The following RYR3 variants were observed in gnomAD, a reference collection of about 807,000 sequenced individuals.
The protein encoded by RYR3 is brain ryanodine receptor-calcium release channel.
In RYR3, 207 loss-of-function variants were observed where a neutral mutation model predicts 584.3. The ratio of observed to expected loss-of-function variants is 0.35; its 90% confidence interval spans 0.32 to 0.40. The LOEUF is 0.40. Among genes scored for constraint, RYR3 ranks in the 10% least tolerant of loss-of-function variants. The probability of loss-of-function intolerance (pLI) is 1.00; values close to 1 mark genes in which losing one functional copy is unlikely to be tolerated. For synonymous variants in RYR3, 2,416 were observed against 2,248.5 expected, an observed-to-expected ratio of 1.07 and a Z score of -2.11; for missense variants, 5,616 against 6,089.2, an observed-to-expected ratio of 0.92 and a Z score of 2.59.
chr15:33,375,048 T>C (rs1315249005), intron 1 of RYR3, among the ~76,000 whole-genome samples: 1 of 152,222 alleles, frequency 6.6e-6, no homozygotes, highest in African/African-American at 2.4e-5. Flanking sequence ...AAATAGTGTC[T>C]AGTGGAGAGT....
chr15:33,513,653 G>C (rs1447018557), intron 3 of RYR3, among the ~76,000 whole-genome samples: 3 of 152,144 alleles, frequency 2.0e-5, no homozygotes. Context: ...GGTGGGAGAT[G>C]GGGAAAGTGC....
chr15:33,739,408 A>G (rs1211349350), intron 50 of RYR3, among the ~76,000 whole-genome samples: 3 of 152,156 alleles, frequency 2.0e-5, no homozygotes, highest in Non-Finnish European at 4.4e-5. Flanking sequence ...ATGTCAACAT[A>G]TGACCCATAT....
intron 60 of RYR3, among the ~76,000 whole-genome samples, chr15:33,766,990 A>G (rs919286977): frequency 6.6e-6 from 1 of 152,258 alleles, no homozygotes; most frequent in African/African-American, 2.4e-5. Context: ...GGCATGCCTA[A>G]GAAAGCACTT....
At chr15:33,539,218 G>T (rs1394414505) in intron 5 of RYR3, 132 bp from the exon 6 acceptor site, 2 of 610,778 alleles carry the variant, frequency 3.3e-6, no homozygotes, top group East Asian at 2.8e-5. Context: ...GAGACCAACA[G>T]AAGTTGAGGT....
At chr15:33,346,078 A>T (rs1308857805) in intron 1 of RYR3, among the ~76,000 whole-genome samples, 1 of 152,202 alleles carries the variant, frequency 6.6e-6, no homozygotes, top group Non-Finnish European at 1.5e-5. Context: ...ATCATTATAT[A>T]TATTTTTTCC....
chr15:33,631,275 A>G lies in RYR3; in HGVS notation c.2849A>G (p.Lys950Arg), dbSNP rs1182168588. 2 of 1,585,864 alleles carry G rather than the reference A, an allele frequency of 1.3e-6. No homozygotes were observed. Among genetic ancestry groups the G allele is most frequent in the African/African-American group, 1.3e-5 (1 of 74,422 alleles). The stretch of plus-strand genomic sequence containing the variant: ...CCAGCTGCTGAGGAGGATCTCAAGA[A>G]GGTCAAACTGCCCAAAAAGTAGGTG... Reference protein sequence around the residue: ...VNPAAEEDLKKVKLPKNYMMS... With the variant: ...VNPAAEEDLKRVKLPKNYMMS... The change falls in exon 23 of 104, where the codon AAG becomes AGG. Residue 950 changes from lysine to arginine, a missense_variant. Physicochemically the swap from Lys to Arg is conservative, Grantham distance 26. Transcript: ENST00000634891.
chr15:33,803,066 A>G (rs2075998752), intron 69 of RYR3, among the ~76,000 whole-genome samples: 1 of 152,248 alleles, frequency 6.6e-6, no homozygotes, highest in African/African-American at 2.4e-5. Context: ...CACCAAGCAT[A>G]GCTAGCTCTA....
chr15:33,430,379 G>A (rs151087032), intron 1 of RYR3, among the ~76,000 whole-genome samples: 56 of 152,288 alleles, frequency 3.7e-4, no homozygotes, highest in African/African-American at 1.3e-3. Flanking sequence ...AAAAGGGAGG[G>A]CATCTCAAAG....
intron 1 of RYR3, among the ~76,000 whole-genome samples, chr15:33,314,672 T>C (rs1433679991): frequency 6.6e-6 from 1 of 152,130 alleles, no homozygotes; most frequent in African/African-American, 2.4e-5. Context: ...CCCAGCACTT[T>C]GGGAGGCCGA....
At chr15:33,805,658 T>C (rs1271509595) in intron 69 of RYR3, among the ~76,000 whole-genome samples, 2 of 151,730 alleles carry the variant, frequency 1.3e-5, no homozygotes, top group East Asian at 2.0e-4. Context: ...TTTGTATTTT[T>C]AGTAGAGACA....
Position 33,817,096 on chromosome 15 carries a change from CA to C in RYR3, c.10599+139del, listed in dbSNP as rs113413279. ...GAAAAGCACTAACTGTGTAAGTGCT[CA>C]GGGGAGGCCCTGCTAATGGTCATAG... On this transcript the variant is annotated intron_variant, in intron 75 of 103. Transcript: ENST00000634891. 5,104 of 551,592 alleles carry C rather than the reference CA, an allele frequency of 9.3e-3. 230 individuals carry two copies. The highest frequency in any genetic ancestry group is 0.087 in the African/African-American group (4,575 of 52,758). 34.2% of individuals were successfully genotyped at this position (551,592 alleles called of 1,614,324 possible). A position where few individuals can be genotyped will look rare whatever the true frequency, so the allele number is the denominator to read the frequency against.
intron 16 of RYR3, among the ~76,000 whole-genome samples, chr15:33,599,898 T>A (rs1454769959): frequency 6.6e-6 from 1 of 152,242 alleles, no homozygotes; most frequent in Non-Finnish European, 1.5e-5. Flanking sequence ...AGAGCCTTTT[T>A]CTCTTTGCTG....
rs1245923407 is a variant in RYR3 at position 33,821,298 on chromosome 15, T to G, written c.10844T>G (p.Leu3615Arg). Residue 3615 changes from leucine (L) to arginine (R), a missense_variant, in exon 79 of 104, where the codon CTC becomes CGC. Physicochemically the swap from Leu to Arg is moderately radical, Grantham distance 102. Coordinates refer to ENST00000634891, the MANE Select transcript of RYR3 (RefSeq NM_001036.6). Reference sequence around the variant, plus strand: ...AAAGAGATGGAGAAGCAAAAAACCCTCTATCAGCAAGCTCGGCTGCATGAG... The same window carrying G: ...AAAGAGATGGAGAAGCAAAAAACCCGCTATCAGCAAGCTCGGCTGCATGAG... ...EEKEMEKQKT[L>R]YQQARLHERG... is the part of the protein sequence containing the mutation. 1 of 1,601,044 alleles carries G rather than the reference T, an allele frequency of 6.2e-7. No homozygotes were observed. Among genetic ancestry groups the G allele is most frequent in the Non-Finnish European group, 8.5e-7 (1 of 1,174,004 alleles).
chr15:33,790,572 G>C (rs2075094355), intron 67 of RYR3, among the ~76,000 whole-genome samples: 1 of 152,154 alleles, frequency 6.6e-6, no homozygotes, highest in Non-Finnish European at 1.5e-5. Context: ...TTGTTGAGGG[G>C]AAGATCAGGA....
intron 20 of RYR3, among the ~76,000 whole-genome samples, chr15:33,624,594 G>T (rs560483875): frequency 2.0e-4 from 31 of 152,348 alleles, no homozygotes; most frequent in African/African-American, 7.2e-4. Context: ...TGGGAAGAGG[G>T]AGGAGCAAGT....
At chr15:33,820,098 T>A (rs1056407056) in intron 77 of RYR3, among the ~76,000 whole-genome samples, 1 of 152,228 alleles carries the variant, frequency 6.6e-6, no homozygotes, top group Non-Finnish European at 1.5e-5. Context: ...CCTTGTGTTT[T>A]CACTCAATGT....
In RYR3 at chr15:33,807,711, A is replaced by C. The variant is rs1047240166; in HGVS notation, c.10026+142A>C. The C allele has an allele frequency of 5.0e-6, 4 of 807,660 alleles. No individual in the cohort carries two copies. In the African/African-American group the frequency reaches 6.9e-5, roughly 14 times the overall value. 50.0% of individuals were successfully genotyped at this position (807,660 alleles called of 1,614,324 possible). A position where few individuals can be genotyped will look rare whatever the true frequency, so the allele number is the denominator to read the frequency against. ...AGGTCCCCCAGGCCTGCTCCAGGGA[A>C]GACAACTGCCTGTCAAAGAGTGAAT... On this transcript the variant is annotated intron_variant, in intron 70 of 103. Transcript: ENST00000634891.
intron 99 of RYR3, chr15:33,858,164 A>C: frequency 2.2e-6 from 1 of 458,336 alleles, no homozygotes. Context: ...CACCCTGCAC[A>C]GTGGCGTCAT....
intron 69 of RYR3, among the ~76,000 whole-genome samples, chr15:33,802,316 T>A (rs1035818035): frequency 6.6e-6 from 1 of 152,228 alleles, no homozygotes; most frequent in African/African-American, 2.4e-5. Context: ...AACCACCTTT[T>A]GATAGCTAGG....
Sources: allele counts gnomAD v4.1 joint callset (sites outside exome capture counted in the v4.1 genomes callset), GRCh38; gene constraint gnomAD v4.1.1; transcripts MANE v1.5; gene names NCBI Gene and HGNC (gene_info 2026-07-23, HGNC 2026-07-21).